Variants in TMEM200B observed in about 807,000 individuals in gnomAD.
TMEM200B encodes transmembrane protein TTMA.
A neutral mutation model predicts 17.6 loss-of-function variants in TMEM200B; 12 were observed. That is an observed-to-expected ratio of 0.68 (90% CI 0.44 to 1.11). The LOEUF is 1.11. Ranked by LOEUF, TMEM200B falls within the 50% of genes least tolerant of loss-of-function variation. TMEM200B has a pLI of 0.00. For missense variants in TMEM200B, 456 were observed against 447.6 expected, an observed-to-expected ratio of 1.02 and a Z score of -0.17; for synonymous variants, 234 against 209.2, an observed-to-expected ratio of 1.12 and a Z score of -1.02.
rs1291864971 is a variant in TMEM200B, at chr1:29,120,983, G to A, written c.846C>T (p.Ser282=). The change falls in exon 2 of 2, where the codon AGC becomes AGT. Residue 282 remains serine (S), a synonymous_variant. Coordinates refer to ENST00000521452, the MANE Select transcript of TMEM200B (RefSeq NM_001003682.4). ...GACTGAGGCGGTCCAGCCGTGGCCA[G>A]CTTCGGTGAGCACAGTCCCGAGCTG... ...APAARDCAHR[S]WPRLDRLSLG... is the part of the protein sequence containing the mutation. The A allele has an allele frequency of 6.2e-7, 1 of 1,613,750 alleles. No homozygotes were observed. Among genetic ancestry groups the A allele is most frequent in the Non-Finnish European group, 8.5e-7 (1 of 1,180,014 alleles).
In TMEM200B at chr1:29,119,820, ATTTT is replaced by A. The variant is rs3838994; in HGVS notation, c.*1081_*1084del. 3 of 152,500 alleles carry A rather than the reference ATTTT, an allele frequency of 2.0e-5. No individual in the cohort carries two copies. Among genetic ancestry groups the A allele is most frequent in the Non-Finnish European group, 4.4e-5 (3 of 68,032 alleles). 9.4% of individuals were successfully genotyped at this position (152,500 alleles called of 1,614,324 possible). On this transcript the variant is annotated 3_prime_UTR_variant, in exon 2 of 2. Transcript: ENST00000521452. ...TGACAAAAATGAAGGAGCTTTGTAAATTTTTTTTAAAATTATGAATCATATCAAG... is the reference window on the plus strand; with the variant it reads ...TGACAAAAATGAAGGAGCTTTGTAAATTTTAAAATTATGAATCATATCAAG...
chr1:29,121,657 G>A lies in TMEM200B; in HGVS notation c.172C>T (p.Leu58=). Residue 58 remains leucine, a synonymous_variant, in exon 2 of 2, where the codon CTG becomes TTG. Transcript: ENST00000521452. The surrounding 1 kb of genome is among the most constrained non-coding windows in gnomAD (Gnocchi z 5.6). The part of the protein sequence containing the change: ...LRSPSGAFAA[L]GALVVLVGMG... ...CCCACCAGTACCACGAGCGCCCCCA[G>A]CGCCGCGAACGCCCCCGACGGCGAG... 7.0e-7 allele frequency: 1 copy of A among 1,426,778 alleles called. No individual in the cohort carries two copies. 88.4% of individuals were successfully genotyped at this position (1,426,778 alleles called of 1,614,324 possible).
chr1:29,123,815 G>A (rs1039516800), intron 1 of TMEM200B, 41 bp downstream of exon 1: 1 of 151,846 alleles, frequency 6.6e-6, no homozygotes, highest in African/African-American at 2.4e-5. Context: ...GAAAAGTTGG[G>A]AAAAGTGGAG....
In TMEM200B at chr1:29,121,167, A is replaced by C; in HGVS notation, c.662T>G (p.Leu221Arg). The change falls in exon 2 of 2, where the codon CTC (leucine) becomes CGC (arginine). Residue 221 changes from leucine (L) to arginine (R), a missense_variant. Physicochemically the swap from Leu to Arg is moderately radical, Grantham distance 102. Coordinates refer to ENST00000521452, the MANE Select transcript of TMEM200B (RefSeq NM_001003682.4). The surrounding 1 kb of genome is among the most constrained non-coding windows in gnomAD (Gnocchi z 5.6). ...ANPRLGLPALLNSYPLKGPGL... is the reference protein window; with the variant it reads ...ANPRLGLPALRNSYPLKGPGL... ...GGGGCCCTTCAGCGGGTAGCTGTTGAGCAAGGCAGGTAACCCCAAGCGAGG... is the reference window on the plus strand; with the variant it reads ...GGGGCCCTTCAGCGGGTAGCTGTTGCGCAAGGCAGGTAACCCCAAGCGAGG... 6.2e-7 allele frequency: 1 copy of C among 1,613,590 alleles called. No individual in the cohort carries two copies. Among genetic ancestry groups the C allele is most frequent in the South Asian group, 1.1e-5 (1 of 91,082 alleles).
intron 1 of TMEM200B, 133 bp downstream of exon 1, chr1:29,123,723 C>T (rs1239490182): frequency 6.7e-6 from 1 of 150,234 alleles, no homozygotes; most frequent in African/African-American, 2.4e-5. Context: ...GTCCACACTC[C>T]CGCCTGGGGG....
intron 1 of TMEM200B, among the ~76,000 whole-genome samples, 172 bp from the exon 2 acceptor site, chr1:29,122,020 G>A (rs1671824957): frequency 6.6e-6 from 1 of 152,112 alleles, no homozygotes; most frequent in African/African-American, 2.4e-5. Flanking sequence ...GGAGCCGCCC[G>A]CGCTCGGGTT....
Position 29,120,800 on chromosome 1 carries a change from C to A in TMEM200B, c.*105G>T. On this transcript the variant is annotated 3_prime_UTR_variant, in exon 2 of 2. Transcript: ENST00000521452. ...CTGTGGTCAGAGCATCCATCCCCAG[C>A]CTGGGATGTGACTGAAACATCTATT... 7.3e-7 allele frequency: 1 copy of A among 1,376,632 alleles called. No individual in the cohort carries two copies. Among genetic ancestry groups the A allele is most frequent in the Non-Finnish European group, 9.7e-7 (1 of 1,031,376 alleles). The allele number at this position is 1,376,632 out of a possible 1,614,324, so 85.3% of individuals were successfully genotyped here. A position where few individuals can be genotyped will look rare whatever the true frequency, so the allele number is the denominator to read the frequency against.
At position 29,121,478 on chromosome 1, in the gene TMEM200B, G is replaced by T; in HGVS notation, c.351C>A (p.Leu117=). ...GGCCGACGCCCATGATCACCGGCCC[G>T]AGGAGCCGCAGCCGCTCGTGCGGGC... ...AHGPHERLRL[L]GPVIMGVGLF... is the part of the protein sequence containing the mutation. The change falls in exon 2 of 2, where the codon CTC becomes CTA. Residue 117 remains leucine, a synonymous_variant. Coordinates refer to ENST00000521452, the MANE Select transcript of TMEM200B (RefSeq NM_001003682.4). This position sits in a 1 kb window ranked among gnomAD's most constrained non-coding sequence, Gnocchi z 5.6. 6.5e-7 allele frequency: 1 copy of T among 1,528,592 alleles called. No individual in the cohort carries two copies. Among genetic ancestry groups the T allele is most frequent in the Non-Finnish European group, 8.8e-7 (1 of 1,142,490 alleles). The allele number at this position is 1,528,592 out of a possible 1,614,324, so 94.7% of individuals were successfully genotyped here.
chr1:29,123,821 T>TG (rs1294296201), intron 1 of TMEM200B, 35 bp downstream of exon 1: 1 of 151,536 alleles, frequency 6.6e-6, no homozygotes, highest in Non-Finnish European at 1.5e-5. Context: ...TTGGGAAAAG[T>TG]GGAGTGCGGA....
Position 29,120,867 on chromosome 1 carries a change from C to G in TMEM200B, c.*38G>C. ...GGTCCTTTGGTCCTATTAGCATGGT[C>G]CATGCTGCAGCCTCAGAGCAGGCTG... On this transcript the variant is annotated 3_prime_UTR_variant, in exon 2 of 2. Coordinates refer to ENST00000521452, the MANE Select transcript of TMEM200B (RefSeq NM_001003682.4). The G allele has an allele frequency of 1.3e-6, 2 of 1,529,708 alleles. No homozygotes were observed. The highest frequency in any genetic ancestry group is 1.8e-6 in the Non-Finnish European group (2 of 1,137,236). The allele number at this position is 1,529,708 out of a possible 1,614,324, so 94.8% of individuals were successfully genotyped here.
At position 29,120,789 on chromosome 1, in the gene TMEM200B, T is replaced by G; in HGVS notation, c.*116A>C. 7.7e-7 allele frequency: 1 copy of G among 1,303,612 alleles called. No individual in the cohort carries two copies. Among genetic ancestry groups the G allele is most frequent in the Non-Finnish European group, 1.0e-6 (1 of 965,494 alleles). 80.8% of individuals were successfully genotyped at this position (1,303,612 alleles called of 1,614,324 possible). A position where few individuals can be genotyped will look rare whatever the true frequency, so the allele number is the denominator to read the frequency against. On this transcript the variant is annotated 3_prime_UTR_variant, in exon 2 of 2. Transcript: ENST00000521452. ...CTTCACAGCTGCTGTGGTCAGAGCA[T>G]CCATCCCCAGCCTGGGATGTGACTG...
rs763854287 is a variant in TMEM200B at position 29,121,349 on chromosome 1, G to C, written c.480C>G (p.Pro160=). Residue 160 remains proline (P), a synonymous_variant, in exon 2 of 2, where the codon CCC becomes CCG. Coordinates refer to ENST00000521452, the MANE Select transcript of TMEM200B (RefSeq NM_001003682.4). The surrounding 1 kb of genome is among the most constrained non-coding windows in gnomAD (Gnocchi z 5.6). ...GVLRAQALRP[P]DGPGWDCALL... The stretch of plus-strand genomic sequence containing the variant: ...GGGCGCAGTCCCAGCCCGGGCCGTC[G>C]GGGGGCCGGAGCGCCTGGGCCCGCA... The C allele has an allele frequency of 6.4e-7, 1 of 1,563,740 alleles. No individual in the cohort carries two copies. The highest frequency in any genetic ancestry group is 1.2e-5 in the South Asian group (1 of 85,814).
At position 29,120,974 on chromosome 1, in the gene TMEM200B, C is replaced by CCG. The variant is rs1161819718; in HGVS notation, c.853_854dup (p.Leu286GlyfsTer32). ...AGCCCCCAAGACTGAGGCGGTCCAG[C>CCG]CGTGGCCAGCTTCGGTGAGCACAGT... On this transcript the variant is annotated frameshift_variant, in exon 2 of 2. Coordinates refer to ENST00000521452, the MANE Select transcript of TMEM200B (RefSeq NM_001003682.4). LOFTEE classifies it high-confidence loss of function. 1 of 1,613,618 alleles carries CCG rather than the reference C, an allele frequency of 6.2e-7. No homozygotes were observed. The highest frequency in any genetic ancestry group is 8.5e-7 in the Non-Finnish European group (1 of 1,179,958).
In TMEM200B at chr1:29,121,572, G is replaced by C. The variant is rs1333765244; in HGVS notation, c.257C>G (p.Ala86Gly). ...PHRAGAPGSR[A>G]ANASSPQMSE... ...CATCTGGGGCGAGCTGGCATTGGCG[G>C]CCCGGGACCCTGGGGCCCCGGCCCG... The change falls in exon 2 of 2, where the codon GCC becomes GGC. Residue 86 changes from alanine (A) to glycine (G), a missense_variant. Physicochemically the swap from Ala to Gly is moderately conservative, Grantham distance 60. Transcript: ENST00000521452. This position sits in a 1 kb window ranked among gnomAD's most constrained non-coding sequence, Gnocchi z 5.6. The C allele has an allele frequency of 6.7e-7, 1 of 1,498,590 alleles. No individual in the cohort carries two copies. Among genetic ancestry groups the C allele is most frequent in the South Asian group, 1.3e-5 (1 of 79,934 alleles). The allele number at this position is 1,498,590 out of a possible 1,614,324, so 92.8% of individuals were successfully genotyped here.
chr1:29,121,837 C>A lies in TMEM200B; in HGVS notation c.-9G>T. 1 of 1,286,394 alleles carries A rather than the reference C, an allele frequency of 7.8e-7. No homozygotes were observed. Among genetic ancestry groups the A allele is most frequent in the Non-Finnish European group, 9.8e-7 (1 of 1,015,870 alleles). 79.7% of individuals were successfully genotyped at this position (1,286,394 alleles called of 1,614,324 possible). ...GGGCTCCCGGCCGTCATCTCGCCGT[C>A]GTCTGGGCGCTCTGCGGAGAGAAGA... On this transcript the variant is annotated 5_prime_UTR_variant, in exon 2 of 2. Transcript: ENST00000521452. The surrounding 1 kb of genome is among the most constrained non-coding windows in gnomAD (Gnocchi z 5.6).
At chr1:29,122,532 A>G (rs1671856402) in intron 1 of TMEM200B, 1 of 152,344 alleles carries the variant, frequency 6.6e-6, no homozygotes, top group Non-Finnish European at 1.5e-5. Context: ...GGCGGCGCCG[A>G]CTTCGCCCAA....
rs1285034986 is a variant in TMEM200B at position 29,119,876 on chromosome 1, AG to A, written c.*1028del. 2.6e-5 allele frequency: 4 copies of A among 152,682 alleles called. No homozygotes were observed. The highest frequency in any genetic ancestry group is 5.9e-5 in the Non-Finnish European group (4 of 68,044). The allele number at this position is 152,682 out of a possible 1,614,324, so 9.5% of individuals were successfully genotyped here. ...AGTTGTTTACATTTCTTGAAAAAAT[AG>A]GAACTCGGGCAGCAGAATCAGATTG... On this transcript the variant is annotated 3_prime_UTR_variant, in exon 2 of 2. Transcript: ENST00000521452.
intron 1 of TMEM200B, among the ~76,000 whole-genome samples, chr1:29,122,890 CCTGTGGCCT>C (rs1199110642): frequency 6.6e-6 from 1 of 152,254 alleles, no homozygotes; most frequent in African/African-American, 2.4e-5. Context: ...CTGCCTGCGG[CCTGTGGCCT>C]GGATCCCGGG....
At chr1:29,123,772 C>CGAGGGAGGGAGGGAGG (rs35689224) in intron 1 of TMEM200B, 84 bp downstream of exon 1, 8 of 146,880 alleles carry the variant, frequency 5.4e-5, no homozygotes, top group African/African-American at 9.9e-5. Flanking sequence ...GGGCCCTGAC[C>CGAGGGAGGGAGGGAGG]GAGGGAGGGA....
Sources: allele counts gnomAD v4.1 joint callset (sites outside exome capture counted in the v4.1 genomes callset), GRCh38; gene constraint gnomAD v4.1.1; non-coding constraint Gnocchi (gnomAD v3.1); transcripts MANE v1.5; gene names NCBI Gene and HGNC (gene_info 2026-07-23, HGNC 2026-07-21).